The following ABCC1 variants were observed in gnomAD, a reference collection of about 807,000 sequenced individuals.
The protein encoded by ABCC1 is ATP binding cassette subfamily C member 1 (ABCC1 blood group).
In ABCC1, 83 loss-of-function variants were observed where a neutral mutation model predicts 172.9. That is an observed-to-expected ratio of 0.48 (90% CI 0.40 to 0.58). ABCC1 has a LOEUF of 0.58. ABCC1 is among the 20% of genes least tolerant of loss of function. The probability of loss-of-function intolerance (pLI) is 0.00; values close to 1 mark genes in which losing one functional copy is unlikely to be tolerated. For synonymous variants in ABCC1, 937 were observed against 825.2 expected (o/e 1.14, Z -2.32); for missense variants, 1,817 against 2,002.7 (o/e 0.91, Z 1.77).
At chr16:16,005,664 G>A (rs2047501798) in intron 1 of ABCC1, among the ~76,000 whole-genome samples, 1 of 145,992 alleles carries the variant, frequency 6.8e-6, no homozygotes, top group South Asian at 2.1e-4. Context: ...GATTTTTAAA[G>A]TTATGCCAGA....
Position 16,044,549 on chromosome 16 carries a change from G to A in ABCC1, c.909G>A (p.Lys303=). 6.2e-7 allele frequency: 1 copy of A among 1,614,206 alleles called. No homozygotes were observed. The highest frequency in any genetic ancestry group is 1.1e-5 in the South Asian group (1 of 91,088). The part of the protein sequence containing the change: ...ANEEVEALIV[K]SPQKEWNPSL... ...AGGAGGTGGAGGCTTTGATCGTCAA[G>A]TCCCCACAGAAGGAGTGGAACCCCT... is the stretch of plus-strand genomic sequence containing the variant. The change falls in exon 8 of 31, where the codon AAG becomes AAA. Residue 303 remains lysine (K), a synonymous_variant. Transcript: ENST00000399410.
chr16:16,131,272 A>G (rs1158597165), intron 26 of ABCC1, among the ~76,000 whole-genome samples: 1 of 152,218 alleles, frequency 6.6e-6, no homozygotes, highest in Non-Finnish European at 1.5e-5. Flanking sequence ...AGCTTTACAG[A>G]AGGTATCTCT....
intron 3 of ABCC1, 44 bp from the exon 4 acceptor site, chr16:16,014,447 C>CAA: frequency 1.3e-6 from 2 of 1,528,982 alleles, no homozygotes; most frequent in Non-Finnish European, 8.9e-7. Context: ...AACTCTGTCT[C>CAA]AAAAAAAAAC....
chr16:16,117,619 G>T (rs771079639), intron 23 of ABCC1, among the ~76,000 whole-genome samples: 1 of 152,126 alleles, frequency 6.6e-6, no homozygotes, highest in Non-Finnish European at 1.5e-5. Flanking sequence ...AAAACTTTCA[G>T]TTGGGCCTAG....
intron 1 of ABCC1, among the ~76,000 whole-genome samples, chr16:15,999,146 G>A (rs977288297): frequency 4.6e-5 from 7 of 151,924 alleles, no homozygotes; most frequent in Non-Finnish European, 8.8e-5. Flanking sequence ...GACTACAGGT[G>A]CCCGCCACCA....
chr16:16,048,799 C>A lies in ABCC1; in HGVS notation c.1380+496C>A, dbSNP rs182772586. Among the ~76,000 whole-genome samples the A allele has an allele frequency of 2.0e-3, 311 of 152,236 alleles. 2 individuals carry two copies. The Middle Eastern group carries it at 0.031, about 15-fold the overall frequency. On this transcript the variant is annotated intron_variant, in intron 10 of 30. Transcript: ENST00000399410. Reference sequence around the variant, plus strand: ...ATCAGGAGTTCGAGACCAGCCTCAACGTGGAGAAACCCCGTCTCTACTAAA... The same window carrying A: ...ATCAGGAGTTCGAGACCAGCCTCAAAGTGGAGAAACCCCGTCTCTACTAAA...
intron 10 of ABCC1, 116 bp from the exon 11 acceptor site, chr16:16,052,608 C>T: frequency 1.1e-6 from 1 of 893,194 alleles, no homozygotes; most frequent in Admixed American, 2.2e-5. Context: ...AAGTAACACA[C>T]CTTGCCCTGA....
intron 5 of ABCC1, among the ~76,000 whole-genome samples, chr16:16,029,970 T>C (rs2048507943): frequency 6.6e-6 from 1 of 152,216 alleles, no homozygotes; most frequent in Non-Finnish European, 1.5e-5. Flanking sequence ...TCATTCTTTA[T>C]GTTTTAGCTG....
intron 26 of ABCC1, 22 bp downstream of exon 26, chr16:16,125,933 G>T (rs759972407): frequency 1.3e-6 from 2 of 1,589,722 alleles, no homozygotes; most frequent in Non-Finnish European, 8.6e-7. Flanking sequence ...CCCCTGGCTG[G>T]ACCTCTTGGT....
intron 22 of ABCC1, 113 bp downstream of exon 22, chr16:16,111,695 C>A (rs1450510937): frequency 3.2e-6 from 3 of 929,010 alleles, no homozygotes; most frequent in South Asian, 3.4e-5. Flanking sequence ...CAAACCAAGC[C>A]AAACCCAGAA....
chr16:16,007,470 C>G (rs2047588286), intron 1 of ABCC1, among the ~76,000 whole-genome samples: 1 of 152,092 alleles, frequency 6.6e-6, no homozygotes, highest in African/African-American at 2.4e-5. Context: ...AGTGGTCTGC[C>G]CACTTGGCCT....
At chr16:16,093,610 A>AC (rs1342790316) in intron 19 of ABCC1, among the ~76,000 whole-genome samples, 13 of 151,386 alleles carry the variant, frequency 8.6e-5, no homozygotes, top group Non-Finnish European at 1.8e-4. Flanking sequence ...AAACTGGGGC[A>AC]CCCCCCTCTC....
intron 1 of ABCC1, 95 bp downstream of exon 1, chr16:15,949,894 C>T (rs1445703189): frequency 9.3e-7 from 1 of 1,070,890 alleles, no homozygotes; most frequent in Non-Finnish European, 1.2e-6. Flanking sequence ...CACCCCGCTC[C>T]CCGCTCTGCT....
Position 16,131,919 on chromosome 16 carries a change from T to G in ABCC1, c.3950T>G (p.Ile1317Ser). Residue 1317 changes from isoleucine to serine, a missense_variant, in exon 27 of 31, where the codon ATC becomes AGC. Coordinates refer to ENST00000399410, the MANE Select transcript of ABCC1 (RefSeq NM_004996.4). ...DFVLRHINVT[I>S]NGGEKVGIVG... is the part of the protein sequence containing the mutation. ...GTTCTCAGGCACATCAATGTCACGA[T>G]CAATGGGGGAGAAAAGGTGGGTACA... The G allele has an allele frequency of 6.2e-7, 1 of 1,613,838 alleles. No homozygotes were observed. The highest frequency in any genetic ancestry group is 8.5e-7 in the Non-Finnish European group (1 of 1,179,936).
At chr16:15,950,070 G>C (rs936570793) in intron 1 of ABCC1, among the ~76,000 whole-genome samples, 1 of 152,086 alleles carries the variant, frequency 6.6e-6, no homozygotes, top group Admixed American at 6.5e-5. Context: ...CAGAGCCGCC[G>C]TGAGGAGGCC....
chr16:16,090,639 G>T, intron 19 of ABCC1, 51 bp downstream of exon 19: 1 of 1,496,790 alleles, frequency 6.7e-7, no homozygotes, highest in Non-Finnish European at 8.9e-7. Context: ...GCACCTTGAA[G>T]GGCCACATTG....
intron 23 of ABCC1, among the ~76,000 whole-genome samples, chr16:16,120,782 C>CT (rs757300932): frequency 2.2e-4 from 34 of 151,976 alleles, no homozygotes; most frequent in South Asian, 2.1e-4. Context: ...GTTGGCAACT[C>CT]TAACAGCGCT....
chr16:15,995,368 G>T (rs922143608), intron 1 of ABCC1, among the ~76,000 whole-genome samples: 1 of 152,136 alleles, frequency 6.6e-6, no homozygotes, highest in Non-Finnish European at 1.5e-5. Context: ...TTTCTTCATT[G>T]CTTTTCGCCC....
chr16:16,005,917 C>T (rs1031044888), intron 1 of ABCC1, among the ~76,000 whole-genome samples: 1 of 151,484 alleles, frequency 6.6e-6, no homozygotes, highest in Non-Finnish European at 1.5e-5. Flanking sequence ...TCGCTTGAAC[C>T]CGAGAAGCAG....
Sources: gnomAD v4.1 joint callset for allele counts (sites outside exome capture counted in the v4.1 genomes callset) on GRCh38, gnomAD v4.1.1 for gene constraint, MANE v1.5 for transcripts, NCBI Gene and HGNC (gene_info 2026-07-23, HGNC 2026-07-21) for gene names.